Variants in MACROD2 observed in about 807,000 individuals in gnomAD.
MACROD2 encodes mono-ADP ribosylhydrolase 2.
A neutral mutation model predicts 70.4 loss-of-function variants in MACROD2; 36 were observed. The ratio of observed to expected loss-of-function variants is 0.51; its 90% CI spans 0.39 to 0.68. The LOEUF is 0.68. Among genes scored for constraint, MACROD2 ranks in the 30% least tolerant of loss-of-function variants. MACROD2 has a pLI of 0.00. For synonymous variants in MACROD2, 172 were observed against 178.8 expected, an observed-to-expected ratio of 0.96 and a Z score of 0.30; for missense variants, 496 against 538.4, an observed-to-expected ratio of 0.92 and a Z score of 0.78.
At chr20:15,718,365 T>C (rs1600802704) in intron 8 of MACROD2, among the ~76,000 whole-genome samples, 1 of 152,204 alleles carries the variant, frequency 6.6e-6, no homozygotes, top group Admixed American at 6.5e-5. Flanking sequence ...TAGCTTAATT[T>C]CTACCAAAAA....
chr20:14,446,624 A>G (rs908396395), intron 3 of MACROD2, among the ~76,000 whole-genome samples: 43 of 152,078 alleles, frequency 2.8e-4, no homozygotes, highest in Admixed American at 2.5e-3. Context: ...AGGGCCTCCC[A>G]GTTCTCAGAT....
At chr20:15,582,115 C>T (rs2048533207) in intron 8 of MACROD2, among the ~76,000 whole-genome samples, 1 of 121,100 alleles carries the variant, frequency 8.3e-6, no homozygotes. Context: ...GTGCCAGACT[C>T]GGTCTCAAAA....
chr20:15,318,909 AG>A (rs2077843380), intron 6 of MACROD2, among the ~76,000 whole-genome samples: 1 of 152,196 alleles, frequency 6.6e-6, no homozygotes, highest in Non-Finnish European at 1.5e-5. Flanking sequence ...GAACAAGACA[AG>A]GATGTTTGCT....
chr20:15,234,229 T>C (rs985919597), intron 6 of MACROD2, among the ~76,000 whole-genome samples: 21 of 147,562 alleles, frequency 1.4e-4, no homozygotes, highest in Admixed American at 6.1e-4. Context: ...AGACGGGGTT[T>C]CACCGTGTTA....
intron 8 of MACROD2, among the ~76,000 whole-genome samples, chr20:15,556,214 T>A (rs2048167139): frequency 6.6e-6 from 1 of 152,232 alleles, no homozygotes; most frequent in African/African-American, 2.4e-5. Flanking sequence ...TAGTTTAATC[T>A]ATTTGGGGAT....
intron 3 of MACROD2, among the ~76,000 whole-genome samples, chr20:14,452,502 A>C (rs1001677132): frequency 6.6e-6 from 1 of 152,116 alleles, no homozygotes; most frequent in Non-Finnish European, 1.5e-5. Flanking sequence ...TACAATAGGT[A>C]TGTGACACCA....
chr20:14,123,061 T>G (rs914094838), intron 3 of MACROD2, among the ~76,000 whole-genome samples: 1 of 152,144 alleles, frequency 6.6e-6, no homozygotes, highest in Admixed American at 6.6e-5. Context: ...GAAATTAGCC[T>G]GTTTCATGAA....
At chr20:15,793,984 G>A (rs555870865) in intron 8 of MACROD2, among the ~76,000 whole-genome samples, 15 of 150,028 alleles carry the variant, frequency 1.0e-4, no homozygotes, top group African/African-American at 2.9e-4. Flanking sequence ...TGAAAGAACC[G>A]TCACCATTTT....
chr20:15,323,976 T>C (rs1403210052), intron 6 of MACROD2, among the ~76,000 whole-genome samples: 1 of 150,982 alleles, frequency 6.6e-6, no homozygotes, highest in African/African-American at 2.4e-5. Flanking sequence ...TTGCAGAACT[T>C]TTTTTTTTGT....
intron 3 of MACROD2, among the ~76,000 whole-genome samples, chr20:14,343,923 A>G (rs2083039733): frequency 6.6e-6 from 1 of 152,322 alleles, no homozygotes; most frequent in African/African-American, 2.4e-5. Flanking sequence ...TTTTGAAACC[A>G]TCTTATTGTT....
chr20:15,068,623 T>G (rs1198656199), intron 5 of MACROD2, among the ~76,000 whole-genome samples: 1 of 152,156 alleles, frequency 6.6e-6, no homozygotes, highest in African/African-American at 2.4e-5. Context: ...TCATGCCATG[T>G]GACATGCTGG....
At chr20:14,051,227 C>T (rs2053562947) in intron 2 of MACROD2, among the ~76,000 whole-genome samples, 1 of 152,030 alleles carries the variant, frequency 6.6e-6, no homozygotes, top group African/African-American at 2.4e-5. Flanking sequence ...TTTTAAAATA[C>T]ATAATGTTGT....
chr20:15,641,413 G>T (rs1454348470), intron 8 of MACROD2, among the ~76,000 whole-genome samples: 1 of 150,564 alleles, frequency 6.6e-6, no homozygotes, highest in African/African-American at 2.4e-5. Context: ...ATGAGGAATT[G>T]GTAAAAGATT....
intron 6 of MACROD2, among the ~76,000 whole-genome samples, chr20:15,286,189 A>G (rs1313112330): frequency 6.6e-6 from 1 of 152,098 alleles, no homozygotes; most frequent in African/African-American, 2.4e-5. Context: ...TTGAGAGGAG[A>G]TTATATGAGT....
chr20:14,283,122 T>C (rs1224344758), intron 3 of MACROD2, among the ~76,000 whole-genome samples: 1 of 152,142 alleles, frequency 6.6e-6, no homozygotes, highest in African/African-American at 2.4e-5. Flanking sequence ...TTCTGACATT[T>C]TGAATGCCAT....
intron 5 of MACROD2, among the ~76,000 whole-genome samples, chr20:15,081,978 G>T (rs529143518): frequency 2.0e-5 from 3 of 152,308 alleles, no homozygotes; most frequent in Non-Finnish European, 4.4e-5. Flanking sequence ...TATGAAAATG[G>T]ATGTCATGCC....
At chr20:14,613,785 A>C (rs1271560693) in intron 4 of MACROD2, among the ~76,000 whole-genome samples, 1 of 152,132 alleles carries the variant, frequency 6.6e-6, no homozygotes, top group African/African-American at 2.4e-5. Flanking sequence ...CATTTGTATT[A>C]TAGAACAATT....
At chr20:15,577,822 G>C (rs1274014022) in intron 8 of MACROD2, among the ~76,000 whole-genome samples, 1 of 152,100 alleles carries the variant, frequency 6.6e-6, no homozygotes, top group Non-Finnish European at 1.5e-5. Context: ...GAATCTCATA[G>C]GATGGATTAC....
intron 4 of MACROD2, among the ~76,000 whole-genome samples, chr20:14,599,978 G>C (rs530602522): frequency 6.6e-6 from 1 of 152,270 alleles, no homozygotes; most frequent in South Asian, 2.1e-4. Flanking sequence ...AAAGGACATA[G>C]AGGTTGACAT....
Sources: allele counts gnomAD v4.1 joint callset (sites outside exome capture counted in the v4.1 genomes callset), GRCh38; gene constraint gnomAD v4.1.1; transcripts MANE v1.5; gene names NCBI Gene and HGNC (gene_info 2026-07-23, HGNC 2026-07-21).